The following ZNF627 variants were observed in gnomAD, a reference collection of about 807,000 sequenced individuals.
ZNF627 encodes zinc finger protein 627.
Under a neutral mutation model 10.6 loss-of-function variants are expected in ZNF627, and 12 were observed. That is an observed-to-expected ratio of 1.13 (90% CI 0.73 to 1.84). The LOEUF (loss-of-function observed/expected upper bound fraction) is 1.84. Among genes scored for constraint, ZNF627 ranks in the 40% most tolerant of loss-of-function variants. The pLI is 0.00. For missense variants in ZNF627, 504 were observed against 568.4 expected, an observed-to-expected ratio of 0.89 and a Z score of 1.15; for synonymous variants, 176 against 187.1, an observed-to-expected ratio of 0.94 and a Z score of 0.48.
chr19:11,600,298 G>C (rs1225294672), intron 1 of ZNF627, among the ~76,000 whole-genome samples: 1 of 152,006 alleles, frequency 6.6e-6, no homozygotes, highest in Admixed American at 6.6e-5. Context: ...AAATTAGCTG[G>C]GCATGGTGGC....
chr19:11,617,802 C>T lies in ZNF627; in HGVS notation c.1299C>T (p.Tyr433=), dbSNP rs1973904433. Residue 433 remains tyrosine (Y), a synonymous_variant, in exon 4 of 4, where the codon TAC becomes TAT. Transcript: ENST00000361113. The part of the protein sequence containing the change: ...QCGKAFSRST[Y]FRVHEKIHTG... ...GGAAAGCCTTCAGTCGATCCACTTA[C>T]TTTCGAGTACATGAAAAAATTCATA... is the stretch of plus-strand genomic sequence containing the variant. The T allele has an allele frequency of 6.2e-7, 1 of 1,610,594 alleles. No individual in the cohort carries two copies. Among genetic ancestry groups the T allele is most frequent in the Admixed American group, 1.7e-5 (1 of 59,170 alleles).
At position 11,614,209 on chromosome 19, in the gene ZNF627, C is replaced by T. The variant is rs75937541; in HGVS notation, c.4-318C>T. Among the ~76,000 whole-genome samples, 1,214 of 152,254 alleles carry T rather than the reference C, an allele frequency of 8.0e-3. 15 individuals are homozygous for T. The highest frequency in any genetic ancestry group is 0.026 in the African/African-American group (1,085 of 41,550). ...TGTTGGGATTACAGGCGTGAGCCAC[C>T]GCGCCCAGCCACTACATGTTTGTTA... is the stretch of plus-strand genomic sequence containing the variant. On this transcript the variant is annotated intron_variant, in intron 1 of 3. Transcript: ENST00000361113.
At chr19:11,598,104 G>A (rs1973524348) in intron 1 of ZNF627, among the ~76,000 whole-genome samples, 1 of 152,348 alleles carries the variant, frequency 6.6e-6, no homozygotes, top group Non-Finnish European at 1.5e-5. Context: ...TCAGTACTTG[G>A]TTGGTGACAG....
intron 1 of ZNF627, among the ~76,000 whole-genome samples, chr19:11,612,855 T>C (rs186463179): frequency 6.6e-6 from 1 of 151,824 alleles, no homozygotes; most frequent in Admixed American, 6.6e-5. Flanking sequence ...GGGGTTGGTG[T>C]ATTTCATCAC....
In ZNF627 at chr19:11,597,731, C is replaced by T. The variant is rs913283955; in HGVS notation, c.3+101C>T. 1.2e-5 allele frequency: 15 copies of T among 1,239,314 alleles called. 1 individual carries two copies. The highest frequency in any genetic ancestry group is 7.5e-5 in the Admixed American group (2 of 26,760). The allele number at this position is 1,239,314 out of a possible 1,614,324, so 76.8% of individuals were successfully genotyped here. A position where few individuals can be genotyped will look rare whatever the true frequency, so the allele number is the denominator to read the frequency against. ...GACCTAGGCCTCCCTGCGGCGACTC[C>T]GGGGTCTGGGACCCGAGTTCCCTCG... On this transcript the variant is annotated intron_variant, in intron 1 of 3. Coordinates refer to ENST00000361113, the MANE Select transcript of ZNF627 (RefSeq NM_145295.4).
intron 1 of ZNF627, among the ~76,000 whole-genome samples, chr19:11,607,850 A>G (rs538357818): frequency 6.6e-6 from 1 of 152,240 alleles, no homozygotes; most frequent in Admixed American, 6.5e-5. Flanking sequence ...GAGTCCTCCA[A>G]ACTGTTCCAA....
intron 1 of ZNF627, among the ~76,000 whole-genome samples, chr19:11,599,821 C>T (rs548625878): frequency 1.5e-4 from 22 of 151,690 alleles, no homozygotes; most frequent in Non-Finnish European, 2.4e-4. Flanking sequence ...GCATGAGAAT[C>T]GCTTTAACGT....
At position 11,604,075 on chromosome 19, in the gene ZNF627, T is replaced by G. The variant is rs1212578576; in HGVS notation, c.3+6445T>G. ...TCCCATCCTGGCCTCCCAAAGTACG[T>G]AAATATGATATCATATATATCATAT... On this transcript the variant is annotated intron_variant, in intron 1 of 3. Coordinates refer to ENST00000361113, the MANE Select transcript of ZNF627 (RefSeq NM_145295.4). 2.6e-5 allele frequency: 4 copies of G among 151,858 alleles called. No individual in the cohort carries two copies. The East Asian group carries it at 5.8e-4, about 22-fold the overall frequency. 9.4% of individuals were successfully genotyped at this position (151,858 alleles called of 1,614,324 possible).
intron 1 of ZNF627, among the ~76,000 whole-genome samples, chr19:11,598,765 T>C (rs898333748): frequency 3.3e-5 from 5 of 152,240 alleles, no homozygotes; most frequent in African/African-American, 1.2e-4. Flanking sequence ...AAATATTTGC[T>C]TTCTGTTTCT....
intron 1 of ZNF627, among the ~76,000 whole-genome samples, chr19:11,611,992 A>G (rs1442650848): frequency 6.6e-6 from 1 of 152,100 alleles, no homozygotes; most frequent in Non-Finnish European, 1.5e-5. Context: ...ATAGGATTTT[A>G]GTCCAAAAAA....
rs1466319951 is a variant in ZNF627 at position 11,618,060 on chromosome 19, T to C, written c.*171T>C. On this transcript the variant is annotated 3_prime_UTR_variant, in exon 4 of 4. Coordinates refer to ENST00000361113, the MANE Select transcript of ZNF627 (RefSeq NM_145295.4). ...TGTGATAGGACAGTAAAACCTAGAG[T>C]TGGAGTTGGATCTCTGGATTGTGTT... The C allele has an allele frequency of 1.7e-5, 9 of 539,850 alleles. No individual in the cohort carries two copies. In the East Asian group the frequency reaches 2.5e-4, roughly 15 times the overall value. 33.4% of individuals were successfully genotyped at this position (539,850 alleles called of 1,614,324 possible). A position where few individuals can be genotyped will look rare whatever the true frequency, so the allele number is the denominator to read the frequency against.
Position 11,619,108 on chromosome 19 carries a change from C to G in ZNF627, c.*1219C>G, listed in dbSNP as rs928655929. 2 of 152,124 alleles carry G rather than the reference C, an allele frequency of 1.3e-5. No individual in the cohort carries two copies. The highest frequency in any genetic ancestry group is 4.8e-5 in the African/African-American group (2 of 41,422). The allele number at this position is 152,124 out of a possible 1,614,324, so 9.4% of individuals were successfully genotyped here. On this transcript the variant is annotated 3_prime_UTR_variant, in exon 4 of 4. Transcript: ENST00000361113. ...CTGTTGTCAAAGAGGGTGTAATAAA[C>G]TGTAATAATAATCATGACCACAAAC...
chr19:11,606,146 C>A (rs1973670224), intron 1 of ZNF627, among the ~76,000 whole-genome samples: 1 of 152,048 alleles, frequency 6.6e-6, no homozygotes, highest in Non-Finnish European at 1.5e-5. Flanking sequence ...TCAAGACCAT[C>A]CTGGCTAACA....
At chr19:11,609,674 T>C (rs1033993177) in intron 1 of ZNF627, among the ~76,000 whole-genome samples, 3 of 151,404 alleles carry the variant, frequency 2.0e-5, no homozygotes, top group Admixed American at 6.6e-5. Flanking sequence ...CCTGCCACCA[T>C]GCCCGGCTAA....
chr19:11,614,527 G>A lies in ZNF627; in HGVS notation c.4G>A (p.Asp2Asn). Residue 2 changes from aspartate (D) to asparagine (N), a missense_variant and splice_region_variant, in exon 2 of 4, where the codon GAT becomes AAT. Transcript: ENST00000361113. ...CCTCCACACATGGGGGATGTTTCAG[G>A]ATTCAGTGGCCTTTGAGGATGTGGC... Reference protein sequence around the residue: MDSVAFEDVAVN... With the variant: MNSVAFEDVAVN... 6.2e-7 allele frequency: 1 copy of A among 1,613,838 alleles called. No individual in the cohort carries two copies. The highest frequency in any genetic ancestry group is 1.1e-5 in the South Asian group (1 of 91,086).
In ZNF627 at chr19:11,618,668, C is replaced by T. The variant is rs955168331; in HGVS notation, c.*779C>T. 6.6e-6 allele frequency: 1 copy of T among 152,160 alleles called. No individual in the cohort carries two copies. The highest frequency in any genetic ancestry group is 1.5e-5 in the Non-Finnish European group (1 of 68,042). 9.4% of individuals were successfully genotyped at this position (152,160 alleles called of 1,614,324 possible). On this transcript the variant is annotated 3_prime_UTR_variant, in exon 4 of 4. Transcript: ENST00000361113. ...GTGCAGTGACTGGCCTCACCCAGGA[C>T]TTTGATGTGAGAATGAGCACTTTCC...
chr19:11,615,585 A>G (rs1450121970), intron 3 of ZNF627, among the ~76,000 whole-genome samples: 2 of 150,020 alleles, frequency 1.3e-5, no homozygotes, highest in Non-Finnish European at 3.0e-5. Context: ...CCTGGGTGAC[A>G]GAGTGAGACT....
At chr19:11,604,016 C>T (rs1973632852) in intron 1 of ZNF627, among the ~76,000 whole-genome samples, 1 of 151,488 alleles carries the variant, frequency 6.6e-6, no homozygotes, top group South Asian at 2.1e-4. Context: ...CTATGTTGTC[C>T]AGGCTGATCT....
intron 1 of ZNF627, among the ~76,000 whole-genome samples, chr19:11,600,243 A>G (rs1379480469): frequency 6.6e-6 from 1 of 152,000 alleles, no homozygotes; most frequent in Non-Finnish European, 1.5e-5. Flanking sequence ...GATCGAGACC[A>G]TCCTGGCTAA....
Sources: allele counts gnomAD v4.1 joint callset (sites outside exome capture counted in the v4.1 genomes callset), GRCh38; gene constraint gnomAD v4.1.1; transcripts MANE v1.5; gene names NCBI Gene and HGNC (gene_info 2026-07-23, HGNC 2026-07-21).